Variants in CTTN observed in about 807,000 individuals in gnomAD.
CTTN encodes src substrate cortactin.
Under a neutral mutation model 84.0 loss-of-function variants are expected in CTTN, and 28 were observed. That is an observed-to-expected ratio of 0.33 (90% confidence interval 0.25 to 0.46). The LOEUF is 0.46. Among genes scored for constraint, CTTN ranks in the 20% least tolerant of loss-of-function variants. The probability of loss-of-function intolerance (pLI) is 1.00; values close to 1 mark genes in which losing one functional copy is unlikely to be tolerated. For missense variants in CTTN, 641 were observed against 723.8 expected (o/e 0.89, Z 1.31); for synonymous variants, 301 against 288.8 (o/e 1.04, Z -0.43).
rs1284503096 is a variant in CTTN, at chr11:70,431,217, G to A, written c.1203G>A (p.Thr401=). ...AGCAAGCCAGAGCCAAAACGCAAAC[G>A]CCCCCTGTGTCGCCCGCACCTCAGC... ...LEEQARAKTQ[T]PPVSPAPQPT... Residue 401 remains threonine, a synonymous_variant, in exon 15 of 18, where the codon ACG becomes ACA. Coordinates refer to ENST00000301843, the MANE Select transcript of CTTN (RefSeq NM_005231.4). The A allele has an allele frequency of 8.7e-6, 14 of 1,614,040 alleles. No homozygotes were observed. The highest frequency in any genetic ancestry group is 3.3e-5 in the South Asian group (3 of 91,088).
At chr11:70,404,836 G>C (rs879600146) in intron 1 of CTTN, among the ~76,000 whole-genome samples, 8 of 152,088 alleles carry the variant, frequency 5.3e-5, no homozygotes, top group Non-Finnish European at 1.2e-4. Context: ...AAACCCGTCT[G>C]TACTAAAAAT....
At chr11:70,400,138 G>A (rs996829756) in intron 1 of CTTN, among the ~76,000 whole-genome samples, 1 of 152,204 alleles carries the variant, frequency 6.6e-6, no homozygotes, top group Non-Finnish European at 1.5e-5. Context: ...AGAACTAGAA[G>A]CTAACCTTCT....
At position 70,435,008 on chromosome 11, in the gene CTTN, CTG is replaced by C; in HGVS notation, c.1517-14_1517-13del. The C allele has an allele frequency of 1.2e-6, 2 of 1,613,492 alleles. No homozygotes were observed. The highest frequency in any genetic ancestry group is 1.7e-6 in the Non-Finnish European group (2 of 1,179,784). On this transcript the variant is annotated splice_polypyrimidine_tract_variant and intron_variant, in intron 17 of 17. Coordinates refer to ENST00000301843, the MANE Select transcript of CTTN (RefSeq NM_005231.4). ...AACGCTTGCACTTCAGCATCTTTCT[CTG>C]TGTTCTCTTCCCCAGCGGGCGATGA...
At chr11:70,424,123 C>T (rs946227160) in intron 12 of CTTN, among the ~76,000 whole-genome samples, 28 of 152,096 alleles carry the variant, frequency 1.8e-4, no homozygotes, top group African/African-American at 6.7e-4. Flanking sequence ...GGGCCGGGTC[C>T]GGGTGGCGTG....
chr11:70,436,404 C>T lies in CTTN; in HGVS notation c.*1242C>T, dbSNP rs757365171. The T allele has an allele frequency of 1.8e-5, 28 of 1,597,776 alleles. No homozygotes were observed. Among genetic ancestry groups the T allele is most frequent in the East Asian group, 2.2e-5 (1 of 44,880 alleles). The stretch of plus-strand genomic sequence containing the variant: ...CTCGGGACTTGGGTCCCGGAGTGCC[C>T]GTGAAGCGTGTTTTTGCTCCTGAGG... On this transcript the variant is annotated 3_prime_UTR_variant, in exon 18 of 18. Transcript: ENST00000301843.
chr11:70,404,314 T>G (rs968253548), intron 1 of CTTN, among the ~76,000 whole-genome samples: 1 of 152,170 alleles, frequency 6.6e-6, no homozygotes, highest in African/African-American at 2.4e-5. Flanking sequence ...TTCGTCCATG[T>G]GTGTTGTCTA....
intron 12 of CTTN, 116 bp from the exon 13 acceptor site, chr11:70,425,216 G>A (rs1038469598): frequency 3.9e-6 from 3 of 763,542 alleles, no homozygotes; most frequent in East Asian, 2.7e-5. Context: ...GCTCTGGGCT[G>A]TGTGGCTGGG....
rs576474685 is a variant in CTTN at position 70,410,713 on chromosome 11, C to A, written c.291+753C>A. 2.0e-5 allele frequency among the ~76,000 whole-genome samples: 3 copies of A among 152,274 alleles called. No individual in the cohort carries two copies. In the East Asian group the frequency reaches 5.8e-4, roughly 29 times the overall value. On this transcript the variant is annotated intron_variant, in intron 5 of 17. Transcript: ENST00000301843. ...CATGTTTCTTCAGTAAAACAGACAT[C>A]CTGGAGGTGAACTTTTGAGTCTGAG...
intron 9 of CTTN, chr11:70,420,096 G>C: frequency 1.7e-6 from 1 of 597,962 alleles, no homozygotes; most frequent in Non-Finnish European, 3.0e-6. Flanking sequence ...GCCACACCCC[G>C]CACGTCTGTG....
chr11:70,404,218 C>G (rs1202132185), intron 1 of CTTN, among the ~76,000 whole-genome samples: 2 of 152,178 alleles, frequency 1.3e-5, no homozygotes, highest in African/African-American at 4.8e-5. Context: ...ACCAGGAGGG[C>G]CAGCCAGGCA....
At chr11:70,411,378 C>T (rs1265643726) in intron 5 of CTTN, among the ~76,000 whole-genome samples, 2 of 121,356 alleles carry the variant, frequency 1.6e-5, no homozygotes, top group Non-Finnish European at 1.6e-5. Context: ...GTGCAGCGAG[C>T]GAAGCGTGTG....
rs551899259 is a variant in CTTN at position 70,419,666 on chromosome 11, T to G, written c.569-80T>G. 13 of 1,273,776 alleles carry G rather than the reference T, an allele frequency of 1.0e-5. No individual in the cohort carries two copies. The African/African-American group carries it at 1.8e-4, about 18-fold the overall frequency. The allele number at this position is 1,273,776 out of a possible 1,614,324, so 78.9% of individuals were successfully genotyped here. A position where few individuals can be genotyped will look rare whatever the true frequency, so the allele number is the denominator to read the frequency against. On this transcript the variant is annotated intron_variant, in intron 8 of 17. Coordinates refer to ENST00000301843, the MANE Select transcript of CTTN (RefSeq NM_005231.4). The stretch of plus-strand genomic sequence containing the variant: ...AGTGGACCTGAAAGATTTTTGTTTT[T>G]TTAATCAAAGGATAAAATACTTGCA...
intron 14 of CTTN, 94 bp from the exon 15 acceptor site, chr11:70,431,097 C>G (rs1436919610): frequency 3.1e-6 from 4 of 1,298,614 alleles, no homozygotes; most frequent in Non-Finnish European, 4.5e-6. Context: ...CCAGAGCATG[C>G]CTAGAGCTTG....
chr11:70,418,035 C>T (rs2058184259), intron 8 of CTTN, among the ~76,000 whole-genome samples: 1 of 152,152 alleles, frequency 6.6e-6, no homozygotes. Flanking sequence ...GCCTGTTTCC[C>T]TGTGCCTCTT....
At chr11:70,401,625 G>A (rs1347204427) in intron 1 of CTTN, among the ~76,000 whole-genome samples, 2 of 151,850 alleles carry the variant, frequency 1.3e-5, no homozygotes, top group Non-Finnish European at 2.9e-5. Flanking sequence ...TCCAGCCTGG[G>A]CAACAGAGTG....
chr11:70,415,775 C>A (rs1447914957), intron 7 of CTTN, 58 bp downstream of exon 7: 8 of 1,553,660 alleles, frequency 5.1e-6, no homozygotes, highest in Non-Finnish European at 7.1e-6. Context: ...GGGAGAGTCA[C>A]AGCCACCTGA....
intron 1 of CTTN, among the ~76,000 whole-genome samples, chr11:70,399,134 G>T (rs1409490917): frequency 1.3e-5 from 2 of 150,720 alleles, no homozygotes; most frequent in South Asian, 2.1e-4. Flanking sequence ...AAGGAAGGTG[G>T]GTGTGGGGGG....
chr11:70,427,436 T>G lies in CTTN; in HGVS notation c.1028-1615T>G, dbSNP rs146130825. Among the ~76,000 whole-genome samples, 489 of 152,338 alleles carry G rather than the reference T, an allele frequency of 3.2e-3. 5 individuals are homozygous for G. The highest frequency in any genetic ancestry group is 0.012 in the Admixed American group (178 of 15,302). The stretch of plus-strand genomic sequence containing the variant: ...CTTAGTGAGAAGACCGGCATTGTTT[T>G]GTTTTGTAAATCTCTTTAATAGAAG... On this transcript the variant is annotated intron_variant, in intron 13 of 17. Coordinates refer to ENST00000301843, the MANE Select transcript of CTTN (RefSeq NM_005231.4).
Position 70,435,424 on chromosome 11 carries a change from G to GTTTTT in CTTN, c.*268_*272dup. The GTTTTT allele has an allele frequency of 4.3e-6, 6 of 1,381,480 alleles. No individual in the cohort carries two copies. The highest frequency in any genetic ancestry group is 4.8e-6 in the Non-Finnish European group (5 of 1,042,820). 85.6% of individuals were successfully genotyped at this position (1,381,480 alleles called of 1,614,324 possible). A position where few individuals can be genotyped will look rare whatever the true frequency, so the allele number is the denominator to read the frequency against. On this transcript the variant is annotated 3_prime_UTR_variant, in exon 18 of 18. Coordinates refer to ENST00000301843, the MANE Select transcript of CTTN (RefSeq NM_005231.4). ...TGGTAATTGGTTTTATGCATTGATG[G>GTTTTT]TTTTTTTTTTCTTTTTTGCCAAATT... is the stretch of plus-strand genomic sequence containing the variant.
Sources: gnomAD v4.1 joint callset for allele counts (sites outside exome capture counted in the v4.1 genomes callset) on GRCh38, gnomAD v4.1.1 for gene constraint, MANE v1.5 for transcripts, NCBI Gene and HGNC (gene_info 2026-07-23, HGNC 2026-07-21) for gene names.